Variants in CELF1 observed in about 807,000 individuals in gnomAD.
CELF1 encodes the protein CUGBP Elav-like family member 1, also known as 50 kDa nuclear polyadenylated RNA-binding protein.
Under a neutral mutation model 61.8 loss-of-function variants are expected in CELF1, and 10 were observed. The observed-to-expected ratio is 0.16, with a 90% CI of 0.10 to 0.27. CELF1 has a LOEUF of 0.27. Among genes scored for constraint, CELF1 ranks in the 10% least tolerant of loss-of-function variants. CELF1 has a pLI of 1.00. For missense variants in CELF1, 380 were observed against 639.1 expected, an observed-to-expected ratio of 0.59 and a Z score of 4.37; for synonymous variants, 236 against 225.1, an observed-to-expected ratio of 1.05 and a Z score of -0.43.
chr11:47,542,762 T>G (rs1427647681), intron 1 of CELF1, among the ~76,000 whole-genome samples: 1 of 152,076 alleles, frequency 6.6e-6, no homozygotes, highest in East Asian at 1.9e-4. Flanking sequence ...CCTCCCAAAG[T>G]GCTGGGATTA....
At position 47,466,240 on chromosome 11, in the gene CELF1, T is replaced by C. The variant is rs1360566731; in HGVS notation, c.*5990A>G. Reference sequence around the variant, plus strand: ...CATTAAAGTAAAATCCATAATTTTCTACAGAGTACAACACAAGTTCACACA... The same window carrying C: ...CATTAAAGTAAAATCCATAATTTTCCACAGAGTACAACACAAGTTCACACA... On this transcript the variant is annotated 3_prime_UTR_variant, in exon 15 of 15. Transcript: ENST00000687097. 1 of 152,186 alleles carries C rather than the reference T, an allele frequency of 6.6e-6. No homozygotes were observed. The highest frequency in any genetic ancestry group is 1.9e-4 in the East Asian group (1 of 5,202). The allele number at this position is 152,186 out of a possible 1,614,324, so 9.4% of individuals were successfully genotyped here. A position where few individuals can be genotyped will look rare whatever the true frequency, so the allele number is the denominator to read the frequency against.
intron 5 of CELF1, 30 bp from the exon 6 acceptor site, chr11:47,486,828 T>C: frequency 6.6e-7 from 1 of 1,518,238 alleles, no homozygotes. Flanking sequence ...TTATTATCAC[T>C]GTATATATTG....
intron 1 of CELF1, among the ~76,000 whole-genome samples, chr11:47,531,321 G>A (rs2096465704): frequency 6.6e-6 from 1 of 151,734 alleles, no homozygotes; most frequent in African/African-American, 2.4e-5. Flanking sequence ...TGTCAACCCA[G>A]CGCTTTGGGA....
Position 47,470,439 on chromosome 11 carries a change from G to C in CELF1, c.*1791C>G, listed in dbSNP as rs1000225583. 1.3e-5 allele frequency: 2 copies of C among 152,056 alleles called. No individual in the cohort carries two copies. The highest frequency in any genetic ancestry group is 2.4e-5 in the African/African-American group (1 of 41,378). The allele number at this position is 152,056 out of a possible 1,614,324, so 9.4% of individuals were successfully genotyped here. A position where few individuals can be genotyped will look rare whatever the true frequency, so the allele number is the denominator to read the frequency against. ...GTGCGCAGAATTTCAAGTTTACGTGGTTCAGCTTAAGAAGTGTATGTTTCA... is the reference window on the plus strand; with the variant it reads ...GTGCGCAGAATTTCAAGTTTACGTGCTTCAGCTTAAGAAGTGTATGTTTCA... On this transcript the variant is annotated 3_prime_UTR_variant, in exon 15 of 15. Transcript: ENST00000687097.
chr11:47,479,951 T>C (rs2082054301), intron 9 of CELF1, among the ~76,000 whole-genome samples: 1 of 152,052 alleles, frequency 6.6e-6, no homozygotes, highest in South Asian at 2.1e-4. Flanking sequence ...TTCCCCCCGC[T>C]TCTCAAAGGA....
chr11:47,522,164 C>T (rs372350256), intron 1 of CELF1, among the ~76,000 whole-genome samples: 1 of 151,878 alleles, frequency 6.6e-6, no homozygotes, highest in African/African-American at 2.4e-5. Context: ...CTGCCTGCCT[C>T]GGCCTCCCAA....
At chr11:47,555,999 C>CAAAA (rs34873224), upstream of CELF1, among the ~76,000 whole-genome samples, 7 of 53,422 alleles carry the variant, frequency 1.3e-4, no homozygotes, top group African/African-American at 4.7e-4. Flanking sequence ...GACTCTGTCT[C>CAAAA]AAAAAAAAAA....
chr11:47,550,901 T>G (rs369530619), intron 1 of CELF1, among the ~76,000 whole-genome samples: 4 of 152,216 alleles, frequency 2.6e-5, no homozygotes, highest in South Asian at 2.1e-4. Context: ...AACAGTTGAG[T>G]GACTTGCCAA....
Position 47,470,733 on chromosome 11 carries a change from T to TTAACAG in CELF1, c.*1496_*1497insCTGTTA. ...TCCAGAGACCCAGGGATCCCATCCC[T>TTAACAG]GGCTGTGGCTACAGTCACATCTTAA... On this transcript the variant is annotated 3_prime_UTR_variant, in exon 15 of 15. Coordinates refer to ENST00000687097, the MANE Select transcript of CELF1 (RefSeq NM_001376376.1). The TTAACAG allele has an allele frequency of 6.6e-6, 1 of 152,212 alleles. No homozygotes were observed. The highest frequency in any genetic ancestry group is 1.5e-5 in the Non-Finnish European group (1 of 68,066). 9.4% of individuals were successfully genotyped at this position (152,212 alleles called of 1,614,324 possible).
At chr11:47,564,489 C>CAAAAAACA (rs557769008) in intron 1 of CELF1, 1,718 of 150,650 alleles carry the variant, frequency 0.011, 14 homozygotes, top group Non-Finnish European at 0.016. Context: ...AAACAAAAAA[C>CAAAAAACA]AAAAAACAAA....
chr11:47,483,389 A>T, intron 8 of CELF1, 64 bp downstream of exon 8: 1 of 1,297,604 alleles, frequency 7.7e-7, no homozygotes. Flanking sequence ...GCTGGACTTT[A>T]ATGGCCAACT....
intron 3 of CELF1, among the ~76,000 whole-genome samples, chr11:47,492,789 G>A (rs1285582953): frequency 2.0e-5 from 3 of 152,076 alleles, no homozygotes; most frequent in Non-Finnish European, 2.9e-5. Context: ...AACCTGTCCC[G>A]ACAACTTTAA....
At chr11:47,506,262 T>TA (rs1471162762) in intron 1 of CELF1, among the ~76,000 whole-genome samples, 1 of 150,740 alleles carries the variant, frequency 6.6e-6, no homozygotes, top group Non-Finnish European at 1.5e-5. Context: ...CCGTCTCTAC[T>TA]AAAAATACAA....
chr11:47,550,256 T>C (rs12226590), intron 1 of CELF1, among the ~76,000 whole-genome samples: 53,034 of 150,292 alleles, frequency 0.35, 10,431 homozygotes, highest in South Asian at 0.51. Context: ...AAACACCGGG[T>C]ACGGTGGCTT....
intron 1 of CELF1, among the ~76,000 whole-genome samples, chr11:47,519,121 T>C (rs1159136690): frequency 1.3e-5 from 2 of 152,194 alleles, no homozygotes; most frequent in African/African-American, 4.8e-5. Flanking sequence ...TCAGGGAACA[T>C]GTTCAGCAAA....
In CELF1 at chr11:47,484,424, C is replaced by T. The variant is rs2085372789; in HGVS notation, c.491G>A (p.Cys164Tyr). The change falls in exon 7 of 15, where the codon TGC becomes TAC. Residue 164 changes from cysteine (C) to tyrosine (Y), a missense_variant. Coordinates refer to ENST00000687097, the MANE Select transcript of CELF1 (RefSeq NM_001376376.1). ...GCCATCAGGTCCCCGCAATATCCGG[C>T]ATTCTTCAATCTGTCCAAACGAAGA... ...MFSSFGQIEE[C>Y]RILRGPDGLS... 1 of 1,613,640 alleles carries T rather than the reference C, an allele frequency of 6.2e-7. No individual in the cohort carries two copies.
intron 1 of CELF1, among the ~76,000 whole-genome samples, chr11:47,517,260 G>GAAAAAAAAAAA (rs57071560): frequency 1.3e-5 from 1 of 76,996 alleles, no homozygotes; most frequent in African/African-American, 3.8e-5. Context: ...AACAAACAGA[G>GAAAAAAAAAAA]AAAAAAAAAA....
At chr11:47,519,741 T>C (rs921360128) in intron 1 of CELF1, among the ~76,000 whole-genome samples, 9 of 151,824 alleles carry the variant, frequency 5.9e-5, no homozygotes, top group African/African-American at 1.9e-4. Flanking sequence ...TGGGCGCCTG[T>C]AGTCCCCGCT....
chr11:47,525,973 G>C (rs995972281), intron 1 of CELF1, among the ~76,000 whole-genome samples: 1 of 151,266 alleles, frequency 6.6e-6, no homozygotes, highest in Admixed American at 6.6e-5. Flanking sequence ...AAAGAGAGAA[G>C]AGAGACTGAG....
Sources: gnomAD v4.1 joint callset for allele counts (sites outside exome capture counted in the v4.1 genomes callset) on GRCh38, gnomAD v4.1.1 for gene constraint, MANE v1.5 for transcripts, NCBI Gene and HGNC (gene_info 2026-07-23, HGNC 2026-07-21) for gene names.